ERO1A: variants seen among roughly 807,000 people sequenced by gnomAD.
ERO1A encodes ERO1-like protein alpha.
ERO1A carries 49 observed loss-of-function variants against 76.9 expected under a neutral mutation model. The observed-to-expected ratio is 0.64, with a 90% CI of 0.51 to 0.81. ERO1A has a LOEUF of 0.81. Among genes scored for constraint, ERO1A ranks in the 30% least tolerant of loss-of-function variants. The pLI is 0.00. For synonymous variants in ERO1A, 174 were observed against 181.2 expected (o/e 0.96, Z 0.32); for missense variants, 448 against 542.1 (o/e 0.83, Z 1.72).
intron 7 of ERO1A, 41 bp downstream of exon 7, chr14:52,666,334 C>T: frequency 7.1e-7 from 1 of 1,406,446 alleles, no homozygotes; most frequent in South Asian, 1.3e-5. Flanking sequence ...GAGAAATCAC[C>T]ACATCTTATA....
intron 8 of ERO1A, among the ~76,000 whole-genome samples, chr14:52,662,896 C>T (rs1409419457): frequency 1.3e-5 from 2 of 151,718 alleles, no homozygotes; most frequent in Non-Finnish European, 2.9e-5. Context: ...TAGGGTAGAT[C>T]GATAGATACA....
chr14:52,657,525 T>C lies in ERO1A; in HGVS notation c.808+392A>G, dbSNP rs555234274. Among the ~76,000 whole-genome samples the C allele has an allele frequency of 8.5e-5, 13 of 152,262 alleles. No homozygotes were observed. In the South Asian group the frequency reaches 2.7e-3, roughly 32 times the overall value. On this transcript the variant is annotated intron_variant, in intron 11 of 15. Transcript: ENST00000395686. ...TCTCATTTTCAACAGTATTAAGGCATCAACAGCAGCAGGAAAGGCTTTTAC... is the reference window on the plus strand; with the variant it reads ...TCTCATTTTCAACAGTATTAAGGCACCAACAGCAGCAGGAAAGGCTTTTAC...
chr14:52,679,330 G>A (rs1271679941), intron 3 of ERO1A, among the ~76,000 whole-genome samples: 1 of 151,962 alleles, frequency 6.6e-6, no homozygotes, highest in Non-Finnish European at 1.5e-5. Flanking sequence ...TTCTAACTCT[G>A]ATCTAATCGT....
rs944212624 is a variant in ERO1A at position 52,643,295 on chromosome 14, C to T, written c.*275G>A. 5 of 230,656 alleles carry T rather than the reference C, an allele frequency of 2.2e-5. No individual in the cohort carries two copies. Among genetic ancestry groups the T allele is most frequent in the Admixed American group, 5.7e-5 (1 of 17,554 alleles). The allele number at this position is 230,656 out of a possible 1,614,324, so 14.3% of individuals were successfully genotyped here. A position where few individuals can be genotyped will look rare whatever the true frequency, so the allele number is the denominator to read the frequency against. On this transcript the variant is annotated 3_prime_UTR_variant, in exon 16 of 16. Coordinates refer to ENST00000395686, the MANE Select transcript of ERO1A (RefSeq NM_014584.3). The stretch of plus-strand genomic sequence containing the variant: ...AGAGACTTAGAACATTCACTTTTAT[C>T]ATATATGAATTTGATAATCCTCCTT...
chr14:52,646,101 G>T, intron 15 of ERO1A, 53 bp downstream of exon 15: 1 of 1,550,848 alleles, frequency 6.4e-7, no homozygotes, highest in Non-Finnish European at 8.7e-7. Context: ...GAGCATATAT[G>T]TTGCATTAGA....
intron 1 of ERO1A, 60 bp downstream of exon 1, chr14:52,695,308 G>T: frequency 1.7e-6 from 2 of 1,161,988 alleles, no homozygotes; most frequent in Non-Finnish European, 2.2e-6. Flanking sequence ...CAGGGCGTGC[G>T]GGACAGTGCA....
rs181965800 is a variant in ERO1A, at chr14:52,652,683, C to G, written c.1056-375G>C. On this transcript the variant is annotated intron_variant, in intron 12 of 15. Transcript: ENST00000395686. ...TTTAATTATGTTCTAAATAGTTTTCCTTTCTCTAAATGAATATTAAAAATT... is the reference window on the plus strand; with the variant it reads ...TTTAATTATGTTCTAAATAGTTTTCGTTTCTCTAAATGAATATTAAAAATT... Among the ~76,000 whole-genome samples, 445 of 152,232 alleles carry G rather than the reference C, an allele frequency of 2.9e-3. 3 individuals carry two copies. Among genetic ancestry groups the G allele is most frequent in the African/African-American group, 0.01 (427 of 41,542 alleles).
At chr14:52,664,642 C>A (rs983902744) in intron 7 of ERO1A, among the ~76,000 whole-genome samples, 1 of 152,092 alleles carries the variant, frequency 6.6e-6, no homozygotes, top group Non-Finnish European at 1.5e-5. Context: ...AAAAGTAATA[C>A]AAATCTAACA....
At chr14:52,651,628 C>T (rs757222729) in intron 13 of ERO1A, among the ~76,000 whole-genome samples, 45 of 151,944 alleles carry the variant, frequency 3.0e-4, no homozygotes, top group Non-Finnish European at 4.7e-4. Context: ...AGATGTATAT[C>T]AAGATATACT....
chr14:52,670,501 T>C (rs2040563183), intron 6 of ERO1A, among the ~76,000 whole-genome samples: 1 of 152,162 alleles, frequency 6.6e-6, no homozygotes, highest in South Asian at 2.1e-4. Context: ...TGCCTCAGCC[T>C]CCTGAGTAGC....
At chr14:52,657,306 G>A (rs889988160) in intron 11 of ERO1A, among the ~76,000 whole-genome samples, 2 of 152,162 alleles carry the variant, frequency 1.3e-5, no homozygotes, top group African/African-American at 4.8e-5. Context: ...TTTTTCCTGG[G>A]CAAAGCCAAG....
intron 1 of ERO1A, among the ~76,000 whole-genome samples, chr14:52,690,493 C>A (rs564907429): frequency 2.0e-5 from 3 of 152,196 alleles, no homozygotes; most frequent in Non-Finnish European, 2.9e-5. Context: ...ATAATCCCAG[C>A]ACTTTGGGAG....
Position 52,652,348 on chromosome 14 carries a change from T to C in ERO1A, c.1056-40A>G, listed in dbSNP as rs772936541. 8 of 1,387,862 alleles carry C rather than the reference T, an allele frequency of 5.8e-6. No homozygotes were observed. In the South Asian group the frequency reaches 9.3e-5, roughly 16 times the overall value. 86.0% of individuals were successfully genotyped at this position (1,387,862 alleles called of 1,614,324 possible). ...AGAGAATATTCATTTTCATGTGTTA[T>C]AAATATTAAAAGTCCTGCTAATACA... On this transcript the variant is annotated intron_variant, in intron 12 of 15. Coordinates refer to ENST00000395686, the MANE Select transcript of ERO1A (RefSeq NM_014584.3).
intron 8 of ERO1A, among the ~76,000 whole-genome samples, 186 bp downstream of exon 8, chr14:52,663,615 A>AT (rs2040304074): frequency 6.6e-6 from 1 of 151,870 alleles, no homozygotes; most frequent in African/African-American, 2.4e-5. Context: ...AAAAAAAAAA[A>AT]TACTTTTTAC....
intron 4 of ERO1A, among the ~76,000 whole-genome samples, chr14:52,674,499 A>G (rs1049546907): frequency 1.3e-5 from 2 of 152,194 alleles, no homozygotes; most frequent in Non-Finnish European, 2.9e-5. Flanking sequence ...CTATGTGCCC[A>G]GCCTCAAGCA....
intron 15 of ERO1A, among the ~76,000 whole-genome samples, chr14:52,645,281 T>C (rs2039609595): frequency 6.6e-6 from 1 of 151,508 alleles, no homozygotes; most frequent in Non-Finnish European, 1.5e-5. Flanking sequence ...ATAATTATGA[T>C]TTTATACATA....
At chr14:52,663,586 C>T (rs1424711591) in intron 8 of ERO1A, among the ~76,000 whole-genome samples, 4 of 146,392 alleles carry the variant, frequency 2.7e-5, no homozygotes, top group Non-Finnish European at 4.5e-5. Context: ...GGTGACAGAG[C>T]GAGACTCCAT....
chr14:52,671,367 T>C (rs760388738), intron 6 of ERO1A, among the ~76,000 whole-genome samples: 2 of 152,186 alleles, frequency 1.3e-5, no homozygotes, highest in Non-Finnish European at 2.9e-5. Flanking sequence ...TTATGTCATA[T>C]GGTAATTCTA....
chr14:52,680,082 C>CAAAAAAAAAAAAAAAAAAAAAAAAAA (rs35358193), intron 3 of ERO1A, among the ~76,000 whole-genome samples: 1 of 90,932 alleles, frequency 1.1e-5, no homozygotes, highest in African/African-American at 4.1e-5. Flanking sequence ...AAAACACAAA[C>CAAAAAAAAAAAAAAAAAAAAAAAAAA]AAAAAAAAAA....
Sources: allele counts gnomAD v4.1 joint callset (sites outside exome capture counted in the v4.1 genomes callset), GRCh38; gene constraint gnomAD v4.1.1; transcripts MANE v1.5; gene names NCBI Gene and HGNC (gene_info 2026-07-23, HGNC 2026-07-21).